Variants in SPAG16 observed in about 807,000 individuals in gnomAD.
SPAG16 encodes the protein sperm-associated antigen 16 protein.
In SPAG16, 86 loss-of-function variants were observed where a neutral mutation model predicts 80.4. The ratio of observed to expected loss-of-function variants is 1.07; its 90% CI spans 0.90 to 1.28. The LOEUF (loss-of-function observed/expected upper bound fraction) is 1.28. Among genes scored for constraint, SPAG16 ranks in the 50% most tolerant of loss-of-function variants. SPAG16 has a pLI of 0.00. For missense variants in SPAG16, 870 were observed against 765.3 expected, an observed-to-expected ratio of 1.14 and a Z score of -1.61; for synonymous variants, 294 against 265.9, an observed-to-expected ratio of 1.11 and a Z score of -1.03.
intron 12 of SPAG16, among the ~76,000 whole-genome samples, chr2:213,931,089 T>C (rs1344728522): frequency 1.0e-5 from 1 of 95,348 alleles, no homozygotes; most frequent in East Asian, 2.7e-4. Flanking sequence ...CATGATATTT[T>C]AATGTTCTTT....
intron 12 of SPAG16, among the ~76,000 whole-genome samples, chr2:213,969,438 G>T (rs1242637116): frequency 1.3e-5 from 2 of 152,182 alleles, no homozygotes; most frequent in Admixed American, 6.5e-5. Context: ...AATATCAACA[G>T]TGTTAAGAAG....
At chr2:214,000,254 C>T (rs1235795673) in intron 12 of SPAG16, among the ~76,000 whole-genome samples, 2 of 152,120 alleles carry the variant, frequency 1.3e-5, no homozygotes, top group African/African-American at 4.8e-5. Flanking sequence ...CGGTTTCCCC[C>T]ACACTGTTCT....
intron 15 of SPAG16, among the ~76,000 whole-genome samples, chr2:214,234,374 A>T (rs1576559533): frequency 6.6e-6 from 1 of 152,108 alleles, no homozygotes. Flanking sequence ...TTTATGATAG[A>T]ATTATTTATA....
chr2:213,386,419 A>G (rs1376844197), intron 9 of SPAG16, among the ~76,000 whole-genome samples: 2 of 151,004 alleles, frequency 1.3e-5, no homozygotes, highest in Non-Finnish European at 2.9e-5. Context: ...ATTTTCCTTT[A>G]ATTCTCACTC....
At chr2:214,040,474 G>T (rs895887855) in intron 13 of SPAG16, among the ~76,000 whole-genome samples, 1 of 151,950 alleles carries the variant, frequency 6.6e-6, no homozygotes, top group Non-Finnish European at 1.5e-5. Flanking sequence ...GGTGTGTATT[G>T]TTCCCCTCTA....
At chr2:214,058,958 T>A (rs1487193834) in intron 13 of SPAG16, among the ~76,000 whole-genome samples, 1 of 151,956 alleles carries the variant, frequency 6.6e-6, no homozygotes, top group Admixed American at 6.6e-5. Context: ...GACATGGGGA[T>A]CACAGTCCTT....
chr2:213,926,876 G>A (rs1250205051), intron 11 of SPAG16, among the ~76,000 whole-genome samples: 1 of 152,082 alleles, frequency 6.6e-6, no homozygotes, highest in African/African-American at 2.4e-5. Context: ...ATTTTGAGTA[G>A]CTAATTTCTA....
At chr2:214,069,648 G>T (rs2050692796) in intron 13 of SPAG16, among the ~76,000 whole-genome samples, 1 of 152,026 alleles carries the variant, frequency 6.6e-6, no homozygotes, top group African/African-American at 2.4e-5. Context: ...AGCATTATCA[G>T]GAGGAACATG....
intron 9 of SPAG16, among the ~76,000 whole-genome samples, chr2:213,376,466 CAT>C (rs2066887455): frequency 6.6e-6 from 1 of 151,970 alleles, no homozygotes; most frequent in African/African-American, 2.4e-5. Context: ...TGGTAGAAAA[CAT>C]AGGTCATATT....
Position 214,281,138 on chromosome 2 carries a change from G to A in SPAG16, c.1721-129002G>A, listed in dbSNP as rs1216320551. 3 of 377,448 alleles carry A rather than the reference G, an allele frequency of 7.9e-6. No homozygotes were observed. In the East Asian group the frequency reaches 1.9e-4, roughly 24 times the overall value. The allele number at this position is 377,448 out of a possible 1,614,324, so 23.4% of individuals were successfully genotyped here. On this transcript the variant is annotated intron_variant, in intron 15 of 15. Transcript: ENST00000331683. ...TTGTCCATACCAAACCTATTGAGAA[G>A]CCTGTGGTCCAGCAGCAGGCCAGTA...
chr2:213,493,922 A>G (rs1053941322), intron 10 of SPAG16, among the ~76,000 whole-genome samples: 3 of 152,076 alleles, frequency 2.0e-5, no homozygotes, highest in Non-Finnish European at 4.4e-5. Context: ...TGTCCTTGCC[A>G]TTCTCCTCTG....
chr2:213,802,438 TATCTATCTACAC>T (rs2071477429), intron 10 of SPAG16, among the ~76,000 whole-genome samples: 1 of 138,736 alleles, frequency 7.2e-6, no homozygotes, highest in Non-Finnish European at 1.6e-5. Flanking sequence ...TCTATCTATC[TATCTATCTACAC>T]ATACCTGGAG....
At chr2:214,156,932 CAG>C (rs1220378885) in intron 15 of SPAG16, among the ~76,000 whole-genome samples, 10 of 152,202 alleles carry the variant, frequency 6.6e-5, no homozygotes, top group Admixed American at 1.3e-4. Context: ...CATCTGGACA[CAG>C]AGCTGTAAGA....
intron 10 of SPAG16, among the ~76,000 whole-genome samples, chr2:213,575,897 C>A (rs1035246558): frequency 1.3e-5 from 2 of 152,132 alleles, no homozygotes; most frequent in Non-Finnish European, 2.9e-5. Flanking sequence ...TGCCACAAAT[C>A]TGTAAGATTA....
intron 10 of SPAG16, among the ~76,000 whole-genome samples, chr2:213,844,735 G>T (rs1240125773): frequency 2.0e-5 from 3 of 152,110 alleles, no homozygotes; most frequent in Non-Finnish European, 4.4e-5. Context: ...GTTATAGCCA[G>T]TTTTTTACTG....
intron 9 of SPAG16, among the ~76,000 whole-genome samples, chr2:213,395,846 A>T (rs546012452): frequency 6.6e-6 from 1 of 152,332 alleles, no homozygotes; most frequent in African/African-American, 2.4e-5. Context: ...ACAATTTTAA[A>T]TATTTAATTT....
intron 9 of SPAG16, among the ~76,000 whole-genome samples, chr2:213,383,624 C>T (rs1021217593): frequency 1.5e-4 from 23 of 152,262 alleles, no homozygotes; most frequent in Admixed American, 9.2e-4. Context: ...ACCTTATTCT[C>T]CTGGCATTCC....
At chr2:213,687,497 T>C (rs1290388687) in intron 10 of SPAG16, among the ~76,000 whole-genome samples, 2 of 152,222 alleles carry the variant, frequency 1.3e-5, no homozygotes, top group African/African-American at 4.8e-5. Context: ...GTACTTATTT[T>C]AGCATTTTTT....
intron 10 of SPAG16, among the ~76,000 whole-genome samples, chr2:213,774,893 C>T (rs893329634): frequency 2.0e-5 from 3 of 152,142 alleles, no homozygotes; most frequent in Admixed American, 1.3e-4. Context: ...TTCCTTAGTA[C>T]GTGCATGAAG....
Sources: gnomAD v4.1 joint callset for allele counts (sites outside exome capture counted in the v4.1 genomes callset) on GRCh38, gnomAD v4.1.1 for gene constraint, MANE v1.5 for transcripts, NCBI Gene and HGNC (gene_info 2026-07-23, HGNC 2026-07-21) for gene names.